The following COG2 variants were observed in gnomAD, a reference collection of about 807,000 sequenced individuals.
COG2 encodes conserved oligomeric Golgi complex subunit 2.
COG2 carries 52 observed loss-of-function variants against 90.6 expected under a neutral mutation model. That is an observed-to-expected ratio of 0.57 (90% CI 0.46 to 0.72). COG2 has a LOEUF of 0.72. Ranked by LOEUF, COG2 falls within the 30% of genes least tolerant of loss-of-function variation. The pLI, the probability that COG2 is intolerant of heterozygous loss-of-function variation, is 0.00. For synonymous variants in COG2, 337 were observed against 320.4 expected (o/e 1.05, Z -0.55); for missense variants, 829 against 891.2 (o/e 0.93, Z 0.89).
chr1:230,651,198 C>T (rs1017071392), intron 1 of COG2, among the ~76,000 whole-genome samples: 1 of 151,972 alleles, frequency 6.6e-6, no homozygotes, highest in Non-Finnish European at 1.5e-5. Context: ...ATGATGATGT[C>T]TGGGGGATTT....
At chr1:230,649,615 A>G (rs1661866112) in intron 1 of COG2, among the ~76,000 whole-genome samples, 1 of 152,202 alleles carries the variant, frequency 6.6e-6, no homozygotes, top group African/African-American at 2.4e-5. Context: ...CTCCTTGAGA[A>G]CAGGAATGTT....
intron 17 of COG2, among the ~76,000 whole-genome samples, chr1:230,692,636 G>T (rs1014149016): frequency 3.3e-5 from 5 of 152,114 alleles, no homozygotes; most frequent in African/African-American, 1.2e-4. Context: ...GGAAAGAGAG[G>T]GGAAGGAAAA....
chr1:230,687,245 C>T (rs981942111), intron 13 of COG2, 113 bp downstream of exon 13: 5 of 791,086 alleles, frequency 6.3e-6, no homozygotes, highest in Non-Finnish European at 9.6e-6. Context: ...TTGGGGGACC[C>T]GTGGGTACCC....
rs574356584 is a variant in COG2, at chr1:230,658,675, C to G, written c.73-789C>G. 2.6e-5 allele frequency among the ~76,000 whole-genome samples: 4 copies of G among 152,284 alleles called. No individual in the cohort carries two copies. In the South Asian group the frequency reaches 8.3e-4, roughly 32 times the overall value. On this transcript the variant is annotated intron_variant, in intron 1 of 17. Transcript: ENST00000366669. ...GCAGCCATCCCTTCCCCCAGGTGCT[C>G]TGTCCCACGGGGATGGGGGTTTTAT... is the stretch of plus-strand genomic sequence containing the variant.
intron 6 of COG2, 167 bp downstream of exon 6, chr1:230,668,951 A>G (rs1180406826): frequency 1.9e-6 from 1 of 515,764 alleles, no homozygotes; most frequent in East Asian, 3.1e-5. Context: ...CACATTATAG[A>G]TTTTGTGTAA....
intron 5 of COG2, among the ~76,000 whole-genome samples, chr1:230,668,423 G>A (rs1662368211): frequency 6.6e-6 from 1 of 151,962 alleles, no homozygotes; most frequent in Non-Finnish European, 1.5e-5. Flanking sequence ...AGGCCAGGCA[G>A]CATCAGCAGC....
chr1:230,672,281 T>G (rs183608667), intron 8 of COG2, among the ~76,000 whole-genome samples: 1 of 152,186 alleles, frequency 6.6e-6, no homozygotes, highest in African/African-American at 2.4e-5. Flanking sequence ...TCAGTGCGCA[T>G]GGAGGAAGAT....
intron 9 of COG2, among the ~76,000 whole-genome samples, chr1:230,677,738 T>C (rs1662635872): frequency 6.6e-6 from 1 of 152,254 alleles, no homozygotes; most frequent in Non-Finnish European, 1.5e-5. Context: ...AACTTGACTT[T>C]AGAATTTTAG....
chr1:230,645,684 T>G (rs1661753734), intron 1 of COG2, among the ~76,000 whole-genome samples: 2 of 152,202 alleles, frequency 1.3e-5, no homozygotes, highest in Admixed American at 6.5e-5. Context: ...CATAATGAAA[T>G]AGTTATAAAA....
In COG2 at chr1:230,662,102, T is replaced by A. The variant is rs75551013; in HGVS notation, c.301-1039T>A. On this transcript the variant is annotated intron_variant, in intron 3 of 17. Coordinates refer to ENST00000366669, the MANE Select transcript of COG2 (RefSeq NM_007357.3). ...GAGGTGGATTCACTCTCCCGAATTC[T>A]GCTCTGTCATTGTTAACTGCTGTCT... Among the ~76,000 whole-genome samples the A allele has an allele frequency of 8.8e-4, 134 of 152,284 alleles. 2 individuals carry two copies. The highest frequency in any genetic ancestry group is 3.1e-3 in the African/African-American group (128 of 41,558).
At chr1:230,673,894 T>G (rs1662521106) in intron 8 of COG2, among the ~76,000 whole-genome samples, 1 of 152,240 alleles carries the variant, frequency 6.6e-6, no homozygotes, top group Non-Finnish European at 1.5e-5. Flanking sequence ...AGGAAAATTA[T>G]GAAAACTTTA....
chr1:230,659,624 TG>T lies in COG2; in HGVS notation c.234+1del. 1 of 1,612,850 alleles carries T rather than the reference TG, an allele frequency of 6.2e-7. No homozygotes were observed. The highest frequency in any genetic ancestry group is 8.5e-7 in the Non-Finnish European group (1 of 1,179,564). ...YADFVNLSTN[L>X]VGMDKALNQL... The stretch of plus-strand genomic sequence containing the variant: ...GATTTTGTCAATCTTTCAACAAACT[TG>T]GTAAACTTTAAATCCACGGTCCCAT... On this transcript the variant is annotated frameshift_variant and splice_region_variant, in exon 2 of 18. Coordinates refer to ENST00000366669, the MANE Select transcript of COG2 (RefSeq NM_007357.3). LOFTEE classifies it high-confidence loss of function.
intron 8 of COG2, among the ~76,000 whole-genome samples, chr1:230,672,794 C>T (rs1291635750): frequency 6.6e-6 from 1 of 152,166 alleles, no homozygotes; most frequent in East Asian, 1.9e-4. Context: ...CTCTCCGCTG[C>T]TCACACCTTC....
At chr1:230,656,328 A>G (rs1182883392) in intron 1 of COG2, among the ~76,000 whole-genome samples, 4 of 152,170 alleles carry the variant, frequency 2.6e-5, no homozygotes, top group Non-Finnish European at 5.9e-5. Context: ...ATTGGTTTCA[A>G]AGAACATCTT....
At chr1:230,662,837 C>T (rs879069542) in intron 3 of COG2, among the ~76,000 whole-genome samples, 1 of 152,164 alleles carries the variant, frequency 6.6e-6, no homozygotes, top group Non-Finnish European at 1.5e-5. Flanking sequence ...GTCTCATCTC[C>T]CCCACCAGAC....
At chr1:230,647,859 T>A (rs200323807) in intron 1 of COG2, among the ~76,000 whole-genome samples, 2 of 50,644 alleles carry the variant, frequency 3.9e-5, no homozygotes, top group African/African-American at 1.8e-4. Flanking sequence ...TTTTAAAGAC[T>A]CTTTTCAATT....
Position 230,678,901 on chromosome 1 carries a change from G to C in COG2, c.1027-12G>C. The C allele has an allele frequency of 6.2e-7, 1 of 1,605,698 alleles. No individual in the cohort carries two copies. ...TTCTAATAATGAAAATTTTCCTTTT[G>C]TTTTATTTTAGAAATATACCATAAG... On this transcript the variant is annotated splice_polypyrimidine_tract_variant and intron_variant, in intron 9 of 17. Transcript: ENST00000366669.
In COG2 at chr1:230,660,494, C is replaced by T. The variant is rs78361742; in HGVS notation, c.235-264C>T. Among the ~76,000 whole-genome samples the T allele has an allele frequency of 0.06, 9,061 of 152,134 alleles. 565 individuals carry two copies. The highest frequency in any genetic ancestry group is 0.16 in the African/African-American group (6,528 of 41,472). ...TTCATTAAAATATTTTATTCAGAGG[C>T]AAATTGTGCCTAAGGAGGCTTTTAT... On this transcript the variant is annotated intron_variant, in intron 2 of 17. Coordinates refer to ENST00000366669, the MANE Select transcript of COG2 (RefSeq NM_007357.3).
At chr1:230,687,467 C>T (rs1188751416) in intron 13 of COG2, among the ~76,000 whole-genome samples, 1 of 152,160 alleles carries the variant, frequency 6.6e-6, no homozygotes, top group Non-Finnish European at 1.5e-5. Flanking sequence ...CCCATTAGCT[C>T]ACCTTATTCT....
Sources: gnomAD v4.1 joint callset for allele counts (sites outside exome capture counted in the v4.1 genomes callset) on GRCh38, gnomAD v4.1.1 for gene constraint, MANE v1.5 for transcripts, NCBI Gene and HGNC (gene_info 2026-07-23, HGNC 2026-07-21) for gene names.